The following PEA15 variants were observed in gnomAD, a reference collection of about 807,000 sequenced individuals.
PEA15 encodes proliferation and apoptosis adaptor protein 15.
For missense variants in PEA15, 77 were observed against 161.3 expected, an observed-to-expected ratio of 0.48 and a Z score of 2.83; for synonymous variants, 60 against 61.8, an observed-to-expected ratio of 0.97 and a Z score of 0.13.
Position 160,213,510 on chromosome 1 carries a change from G to A in PEA15, c.*24G>A. 5 of 1,608,948 alleles carry A rather than the reference G, an allele frequency of 3.1e-6. No homozygotes were observed. The South Asian group carries it at 5.5e-5, about 18-fold the overall frequency. ...GAGCAAGGGGGAGGAAGAGGAGGAA[G>A]GTTGGACCTTCATCAGACCACTCCC... is the stretch of plus-strand genomic sequence containing the variant. On this transcript the variant is annotated 3_prime_UTR_variant, in exon 4 of 4. Coordinates refer to ENST00000360472, the MANE Select transcript of PEA15 (RefSeq NM_003768.5). This position sits in a 1 kb window ranked among gnomAD's most constrained non-coding sequence, Gnocchi z 5.3.
At position 160,208,690 on chromosome 1, in the gene PEA15, T is replaced by C; in HGVS notation, c.-2-2853T>C. The C allele has an allele frequency of 2.6e-6, 4 of 1,537,838 alleles. No individual in the cohort carries two copies. The highest frequency in any genetic ancestry group is 3.5e-6 in the Non-Finnish European group (4 of 1,135,476). On this transcript the variant is annotated intron_variant, in intron 1 of 3. Transcript: ENST00000360472. This position sits in a 1 kb window ranked among gnomAD's most constrained non-coding sequence, Gnocchi z 4.1. ...GGTACAACTGTTGATCAGTGAGAAT[T>C]GAGAGCAGTTCCCCTAAACAACACT...
chr1:160,206,781 T>G (rs1350499414), intron 1 of PEA15, among the ~76,000 whole-genome samples: 2 of 149,978 alleles, frequency 1.3e-5, no homozygotes, highest in Non-Finnish European at 1.5e-5. Flanking sequence ...AGGATGAAGG[T>G]TGGGGGAGAC....
At chr1:160,209,278 C>T (rs752627560) in intron 1 of PEA15, among the ~76,000 whole-genome samples, 4 of 152,124 alleles carry the variant, frequency 2.6e-5, no homozygotes, top group African/African-American at 7.2e-5. Flanking sequence ...GCCCACAACC[C>T]GGGGATTAGC....
In PEA15 at chr1:160,208,975, C is replaced by T. The variant is rs1038693914; in HGVS notation, c.-2-2568C>T. 4.6e-5 allele frequency: 14 copies of T among 303,372 alleles called. No homozygotes were observed. The highest frequency in any genetic ancestry group is 7.4e-5 in the Non-Finnish European group (12 of 162,252). 18.8% of individuals were successfully genotyped at this position (303,372 alleles called of 1,614,324 possible). On this transcript the variant is annotated intron_variant, in intron 1 of 3. Transcript: ENST00000360472. This position sits in a 1 kb window ranked among gnomAD's most constrained non-coding sequence, Gnocchi z 4.1. ...TCTATAGTTGTGGACTGTATGCTCTCCTCCCCCTCGCCCCCCATGCCTCAT... is the reference window on the plus strand; with the variant it reads ...TCTATAGTTGTGGACTGTATGCTCTTCTCCCCCTCGCCCCCCATGCCTCAT...
chr1:160,206,725 C>T (rs763533008), intron 1 of PEA15, among the ~76,000 whole-genome samples: 6 of 152,046 alleles, frequency 3.9e-5, no homozygotes, highest in Non-Finnish European at 4.4e-5. Flanking sequence ...AAGAGATGGT[C>T]AGAGAAGTGC....
At chr1:160,211,111 G>A (rs543820052) in intron 1 of PEA15, among the ~76,000 whole-genome samples, 5 of 151,984 alleles carry the variant, frequency 3.3e-5, no homozygotes, top group African/African-American at 4.8e-5. Flanking sequence ...AGCAAGCCTC[G>A]CCCTGGTTGT....
At position 160,208,745 on chromosome 1, in the gene PEA15, T is replaced by C; in HGVS notation, c.-2-2798T>C. ...TTGCTTCTTCTGCCATACTAAGGCCTAGGCAAATGGATCTCTCCAAGAAGG... is the reference window on the plus strand; with the variant it reads ...TTGCTTCTTCTGCCATACTAAGGCCCAGGCAAATGGATCTCTCCAAGAAGG... On this transcript the variant is annotated intron_variant, in intron 1 of 3. Coordinates refer to ENST00000360472, the MANE Select transcript of PEA15 (RefSeq NM_003768.5). The surrounding 1 kb of genome is among the most constrained non-coding windows in gnomAD (Gnocchi z 4.1). 1 of 1,187,422 alleles carries C rather than the reference T, an allele frequency of 8.4e-7. No individual in the cohort carries two copies. Among genetic ancestry groups the C allele is most frequent in the Non-Finnish European group, 1.2e-6 (1 of 819,018 alleles). 73.6% of individuals were successfully genotyped at this position (1,187,422 alleles called of 1,614,324 possible).
In PEA15 at chr1:160,208,922, A is replaced by G; in HGVS notation, c.-2-2621A>G. The G allele has an allele frequency of 3.9e-6, 2 of 515,402 alleles. No individual in the cohort carries two copies. Among genetic ancestry groups the G allele is most frequent in the Non-Finnish European group, 3.5e-6 (1 of 286,086 alleles). 31.9% of individuals were successfully genotyped at this position (515,402 alleles called of 1,614,324 possible). On this transcript the variant is annotated intron_variant, in intron 1 of 3. Coordinates refer to ENST00000360472, the MANE Select transcript of PEA15 (RefSeq NM_003768.5). The surrounding 1 kb of genome is among the most constrained non-coding windows in gnomAD (Gnocchi z 4.1). ...GGGCACCCAGAACTGAGGTTGCTAT[A>G]GTAACAGATGAGATGAGGCTACAGC... is the stretch of plus-strand genomic sequence containing the variant.
chr1:160,211,441 C>T, intron 1 of PEA15, 102 bp from the exon 2 acceptor site: 1 of 1,400,688 alleles, frequency 7.1e-7, no homozygotes, highest in Non-Finnish European at 9.5e-7. Flanking sequence ...CAGGCACATG[C>T]CTGGTAGGGC....
chr1:160,212,362 T>C (rs1386331856), intron 2 of PEA15, among the ~76,000 whole-genome samples: 3 of 151,980 alleles, frequency 2.0e-5, no homozygotes. Context: ...TTGACTAGGA[T>C]GTAGGGTGTT....
chr1:160,212,581 T>G (rs1445906910), intron 2 of PEA15, among the ~76,000 whole-genome samples: 1 of 152,130 alleles, frequency 6.6e-6, no homozygotes, highest in Non-Finnish European at 1.5e-5. Flanking sequence ...TAAGGGCATC[T>G]ATAATCTCCT....
intron 1 of PEA15, chr1:160,211,299 T>C (rs945560997): frequency 1.4e-5 from 17 of 1,186,734 alleles, no homozygotes; most frequent in Admixed American, 4.4e-5. Context: ...AAGAAAAAGA[T>C]GGTGGGGGGA....
At position 160,212,996 on chromosome 1, in the gene PEA15, C is replaced by T. The variant is rs1452458269; in HGVS notation, c.173-114C>T. The T allele has an allele frequency of 4.0e-6, 4 of 1,008,244 alleles. 1 individual carries two copies. Among genetic ancestry groups the T allele is most frequent in the African/African-American group, 3.2e-5 (2 of 63,128 alleles). The allele number at this position is 1,008,244 out of a possible 1,614,324, so 62.5% of individuals were successfully genotyped here. On this transcript the variant is annotated intron_variant, in intron 2 of 3. Transcript: ENST00000360472. ...AGCCCCTCTTCCTCCAGTGTTGTACCCTCCCATAACCAATGTCAGCAACTC... is the reference window on the plus strand; with the variant it reads ...AGCCCCTCTTCCTCCAGTGTTGTACTCTCCCATAACCAATGTCAGCAACTC...
intron 2 of PEA15, among the ~76,000 whole-genome samples, chr1:160,212,282 GCATGC>G (rs1422842977): frequency 6.6e-6 from 1 of 152,002 alleles, no homozygotes; most frequent in Non-Finnish European, 1.5e-5. Context: ...CCAAAGGAGG[GCATGC>G]CAGGCAGAGG....
At chr1:160,210,925 GGT>G (rs1654852012) in intron 1 of PEA15, among the ~76,000 whole-genome samples, 1 of 152,208 alleles carries the variant, frequency 6.6e-6, no homozygotes, top group African/African-American at 2.4e-5. Context: ...AGGCTAGCAT[GGT>G]GGGGCCAAGG....
Position 160,212,970 on chromosome 1 carries a change from T to C in PEA15, c.173-140T>C, listed in dbSNP as rs916385465. On this transcript the variant is annotated intron_variant, in intron 2 of 3. Coordinates refer to ENST00000360472, the MANE Select transcript of PEA15 (RefSeq NM_003768.5). ...CCTTAGCTTTCTTCTCCTGGATTAG[T>C]AGCCCCTCTTCCTCCAGTGTTGTAC... The C allele has an allele frequency of 7.9e-5, 60 of 761,006 alleles. 1 individual carries two copies. Among genetic ancestry groups the C allele is most frequent in the African/African-American group, 1.7e-5 (1 of 57,732 alleles). 47.1% of individuals were successfully genotyped at this position (761,006 alleles called of 1,614,324 possible).
rs368261609 is a variant in PEA15, at chr1:160,208,691, G to A, written c.-2-2852G>A. On this transcript the variant is annotated intron_variant, in intron 1 of 3. Coordinates refer to ENST00000360472, the MANE Select transcript of PEA15 (RefSeq NM_003768.5). This position sits in a 1 kb window ranked among gnomAD's most constrained non-coding sequence, Gnocchi z 4.1. ...GTACAACTGTTGATCAGTGAGAATT[G>A]AGAGCAGTTCCCCTAAACAACACTC... The A allele has an allele frequency of 6.5e-7, 1 of 1,538,022 alleles. No homozygotes were observed. Among genetic ancestry groups the A allele is most frequent in the South Asian group, 1.2e-5 (1 of 83,796 alleles).
Position 160,213,670 on chromosome 1 carries a change from A to C in PEA15, c.*184A>C. ...GGCTGTTTGTCTATATGTCTAGCTC[A>C]TCTAGTTCCTCTTCTTAAGGGGATG... On this transcript the variant is annotated 3_prime_UTR_variant, in exon 4 of 4. Coordinates refer to ENST00000360472, the MANE Select transcript of PEA15 (RefSeq NM_003768.5). The surrounding 1 kb of genome is among the most constrained non-coding windows in gnomAD (Gnocchi z 5.3). The C allele has an allele frequency of 9.4e-6, 3 of 319,156 alleles. No individual in the cohort carries two copies. Among genetic ancestry groups the C allele is most frequent in the African/African-American group, 2.3e-5 (1 of 42,896 alleles). 19.8% of individuals were successfully genotyped at this position (319,156 alleles called of 1,614,324 possible). A position where few individuals can be genotyped will look rare whatever the true frequency, so the allele number is the denominator to read the frequency against.
chr1:160,213,581 C>T lies in PEA15; in HGVS notation c.*95C>T, dbSNP rs1654967027. ...GGGGGCAAGGGCAACCCACCATCTA[C>T]CCACTTACTAACCTGGTCCTAACCC... On this transcript the variant is annotated 3_prime_UTR_variant, in exon 4 of 4. Transcript: ENST00000360472. The surrounding 1 kb of genome is among the most constrained non-coding windows in gnomAD (Gnocchi z 5.3). The T allele has an allele frequency of 6.6e-6, 7 of 1,058,622 alleles. No homozygotes were observed. The highest frequency in any genetic ancestry group is 4.0e-4 in the Middle Eastern group (2 of 4,962). The allele number at this position is 1,058,622 out of a possible 1,614,324, so 65.6% of individuals were successfully genotyped here.
Sources: gnomAD v4.1 joint callset for allele counts (sites outside exome capture counted in the v4.1 genomes callset) on GRCh38, gnomAD v4.1.1 for gene constraint, Gnocchi (gnomAD v3.1) non-coding constraint, MANE v1.5 for transcripts, NCBI Gene and HGNC (gene_info 2026-07-23, HGNC 2026-07-21) for gene names.